FARSB: variants seen among roughly 807,000 people sequenced by gnomAD.
The protein encoded by FARSB is phenylalanine--tRNA ligase beta subunit.
A neutral mutation model predicts 69.6 loss-of-function variants in FARSB; 40 were observed. The observed-to-expected ratio is 0.57, with a 90% CI of 0.45 to 0.75. The LOEUF (loss-of-function observed/expected upper bound fraction) is 0.75, where lower values mean the gene tolerates loss of function less well. Among genes scored for constraint, FARSB ranks in the 30% least tolerant of loss-of-function variants. The pLI is 0.00. For missense variants in FARSB, 632 were observed against 722.9 expected (o/e 0.87, Z 1.44); for synonymous variants, 235 against 247.2 (o/e 0.95, Z 0.46).
chr2:222,619,303 C>T (rs1278431656), intron 14 of FARSB, among the ~76,000 whole-genome samples: 1 of 133,222 alleles, frequency 7.5e-6, no homozygotes, highest in East Asian at 2.0e-4. Flanking sequence ...AAGACTCTGT[C>T]CCAAAAAATA....
intron 1 of FARSB, among the ~76,000 whole-genome samples, chr2:222,653,946 C>A (rs185889665): frequency 6.6e-6 from 1 of 151,656 alleles, no homozygotes; most frequent in African/African-American, 2.4e-5. Context: ...AGCTAACAAA[C>A]ACATATTTGT....
At chr2:222,605,161 T>TTCTCTCTCTCTCTC (rs71053093) in intron 15 of FARSB, among the ~76,000 whole-genome samples, 22,155 of 132,256 alleles carry the variant, frequency 0.17, 2,243 homozygotes, top group Non-Finnish European at 0.2. Flanking sequence ...AATACAAACT[T>TTCTCTCTCTCTCTC]TCTCTCTCTC....
At chr2:222,583,628 T>A (rs1464782457) in intron 16 of FARSB, among the ~76,000 whole-genome samples, 1 of 152,180 alleles carries the variant, frequency 6.6e-6, no homozygotes, top group Non-Finnish European at 1.5e-5. Flanking sequence ...TGAGACATGA[T>A]GGCTGAAGAA....
chr2:222,594,093 C>CAAAAAA (rs33937937), intron 16 of FARSB, among the ~76,000 whole-genome samples: 4 of 51,572 alleles, frequency 7.8e-5, no homozygotes, highest in Non-Finnish European at 1.3e-4. Flanking sequence ...CCCGCCTCTA[C>CAAAAAA]AAAAAAAAAA....
At chr2:222,640,823 A>G (rs1691701564) in intron 4 of FARSB, 39 bp downstream of exon 4, 1 of 1,121,962 alleles carries the variant, frequency 8.9e-7, no homozygotes, top group Non-Finnish European at 1.3e-6. Context: ...TGTACAAAAG[A>G]AAATTTTTAA....
chr2:222,623,987 A>G (rs1691205325), intron 12 of FARSB, among the ~76,000 whole-genome samples: 1 of 152,078 alleles, frequency 6.6e-6, no homozygotes, highest in Non-Finnish European at 1.5e-5. Context: ...TCCCACACAC[A>G]GCTTCTGCCT....
At chr2:222,655,889 G>T in intron 1 of FARSB, 127 bp downstream of exon 1, 1 of 737,944 alleles carries the variant, frequency 1.4e-6, no homozygotes, top group Non-Finnish European at 2.4e-6. Flanking sequence ...CGGCCTTCCC[G>T]CGTAAACCCC....
chr2:222,622,661 G>A (rs557918822), intron 13 of FARSB, among the ~76,000 whole-genome samples: 2 of 152,258 alleles, frequency 1.3e-5, no homozygotes, highest in Admixed American at 1.3e-4. Flanking sequence ...TACACGGTAT[G>A]AGACCATGGA....
At chr2:222,593,488 C>T (rs1043064613) in intron 16 of FARSB, among the ~76,000 whole-genome samples, 4 of 152,156 alleles carry the variant, frequency 2.6e-5, no homozygotes, top group Non-Finnish European at 5.9e-5. Flanking sequence ...ATCTTTAGAG[C>T]TTTTGTGTGT....
At chr2:222,584,515 T>C (rs906435579) in intron 16 of FARSB, among the ~76,000 whole-genome samples, 5 of 152,106 alleles carry the variant, frequency 3.3e-5, no homozygotes, top group African/African-American at 7.2e-5. Context: ...GTGCAGCCCA[T>C]GGAGTGTGAG....
chr2:222,650,160 G>C (rs1691993732), intron 1 of FARSB, among the ~76,000 whole-genome samples: 1 of 152,142 alleles, frequency 6.6e-6, no homozygotes, highest in Non-Finnish European at 1.5e-5. Flanking sequence ...TGTGGGGCGT[G>C]AAACAGCATG....
chr2:222,582,802 G>A (rs1690006220), intron 16 of FARSB, among the ~76,000 whole-genome samples: 1 of 151,900 alleles, frequency 6.6e-6, no homozygotes, highest in Non-Finnish European at 1.5e-5. Context: ...GCAGGCACCT[G>A]TAATCCCAGC....
chr2:222,617,441 G>C (rs1330655795), intron 14 of FARSB, among the ~76,000 whole-genome samples: 1 of 152,222 alleles, frequency 6.6e-6, no homozygotes, highest in Non-Finnish European at 1.5e-5. Context: ...ACAAGGCGAA[G>C]AGAGAGGTGG....
At chr2:222,647,290 G>A (rs1305340979) in intron 2 of FARSB, among the ~76,000 whole-genome samples, 6 of 152,236 alleles carry the variant, frequency 3.9e-5, no homozygotes, top group Admixed American at 3.9e-4. Flanking sequence ...GCCTCTGCTC[G>A]GAGGTCAGCC....
rs749114425 is a variant in FARSB at position 222,613,790 on chromosome 2, T to C, written c.1462+21A>G. ...AAATGTTTTAAATACACAAATCAAA[T>C]CAAAGGTGACTTATTCTTACCTGTA... On this transcript the variant is annotated intron_variant, in intron 15 of 16. Transcript: ENST00000281828. The C allele has an allele frequency of 2.3e-5, 31 of 1,370,274 alleles. No individual in the cohort carries two copies. The South Asian group carries it at 3.4e-4, about 15-fold the overall frequency. The allele number at this position is 1,370,274 out of a possible 1,614,324, so 84.9% of individuals were successfully genotyped here.
At chr2:222,593,827 T>C (rs896081721) in intron 16 of FARSB, among the ~76,000 whole-genome samples, 2 of 151,890 alleles carry the variant, frequency 1.3e-5, no homozygotes, top group Non-Finnish European at 2.9e-5. Flanking sequence ...GCTACTGCAC[T>C]CCAGTCTGGG....
At chr2:222,574,838 G>A (rs1574906207) in intron 16 of FARSB, among the ~76,000 whole-genome samples, 1 of 152,230 alleles carries the variant, frequency 6.6e-6, no homozygotes, top group East Asian at 1.9e-4. Flanking sequence ...AAATTAAGTG[G>A]TACGCACATA....
intron 10 of FARSB, among the ~76,000 whole-genome samples, chr2:222,626,243 CA>C (rs36117232): frequency 0.033 from 1,849 of 56,884 alleles, 9 homozygotes; most frequent in African/African-American, 0.11. Context: ...GACTCCATCT[CA>C]AAAAAAAAAA....
intron 16 of FARSB, among the ~76,000 whole-genome samples, chr2:222,596,177 G>A (rs1690409269): frequency 1.3e-5 from 2 of 152,052 alleles, no homozygotes; most frequent in African/African-American, 4.8e-5. Context: ...TACAACTACG[G>A]GCTTTCTGGG....
Sources: gnomAD v4.1 joint callset for allele counts (sites outside exome capture counted in the v4.1 genomes callset) on GRCh38, gnomAD v4.1.1 for gene constraint, MANE v1.5 for transcripts, NCBI Gene and HGNC (gene_info 2026-07-23, HGNC 2026-07-21) for gene names.